CDKN2AIP: variants seen among roughly 807,000 people sequenced by gnomAD.
CDKN2AIP encodes the protein CDKN2A-interacting protein.
In CDKN2AIP, 12 loss-of-function variants were observed where a neutral mutation model predicts 44.1. The ratio of observed to expected loss-of-function variants is 0.27; its 90% CI spans 0.17 to 0.44. The LOEUF (loss-of-function observed/expected upper bound fraction) is 0.44, where lower values mean the gene tolerates loss of function less well. Among genes scored for constraint, CDKN2AIP ranks in the 20% least tolerant of loss-of-function variants. CDKN2AIP has a pLI of 1.00. For synonymous variants in CDKN2AIP, 291 were observed against 272.1 expected (o/e 1.07, Z -0.68); for missense variants, 705 against 681.6 (o/e 1.03, Z -0.38).
Position 183,446,270 on chromosome 4 carries a change from A to G in CDKN2AIP, c.586A>G (p.Ile196Val). The change falls in exon 3 of 3, where the codon ATC (isoleucine) becomes GTC (valine). Residue 196 changes from isoleucine (I) to valine (V), a missense_variant. Physicochemically the swap from Ile to Val is conservative, Grantham distance 29. This residue lies in a region of CDKN2AIP where 592 missense variants were observed against 518.0 expected (regional missense o/e 1.14). Coordinates refer to ENST00000504169, the MANE Select transcript of CDKN2AIP (RefSeq NM_017632.4). The part of the protein sequence containing the change: ...ESGNSARSSG[I>V]SSQNSSTSDG... ...TGGGAACTCAGCTCGGAGCTCTGGC[A>G]TCTCCAGTCAGAATAGCTCTACAAG... is the stretch of plus-strand genomic sequence containing the variant. The G allele has an allele frequency of 1.9e-6, 3 of 1,614,114 alleles. No homozygotes were observed. The highest frequency in any genetic ancestry group is 2.5e-6 in the Non-Finnish European group (3 of 1,179,926).
At position 183,446,924 on chromosome 4, in the gene CDKN2AIP, A is replaced by T; in HGVS notation, c.1240A>T (p.Thr414Ser). 1 of 1,614,244 alleles carries T rather than the reference A, an allele frequency of 6.2e-7. No individual in the cohort carries two copies. The highest frequency in any genetic ancestry group is 1.1e-5 in the South Asian group (1 of 91,088). Reference sequence around the variant, plus strand: ...CACCTCACAGTTGCCTTCTAAAAGTACTTCACAGTCAAGTGAGAGTTCTGT... The same window carrying T: ...CACCTCACAGTTGCCTTCTAAAAGTTCTTCACAGTCAAGTGAGAGTTCTGT... ...TSTSQLPSKS[T>S]SQSSESSVKF... Residue 414 changes from threonine (T) to serine (S), a missense_variant, in exon 3 of 3, where the codon ACT (threonine) becomes TCT (serine). Physicochemically the swap from Thr to Ser is moderately conservative, Grantham distance 58 (BLOSUM62 1). Coordinates refer to ENST00000504169, the MANE Select transcript of CDKN2AIP (RefSeq NM_017632.4).
chr4:183,444,813 T>A lies in CDKN2AIP; in HGVS notation c.16T>A (p.Ser6Thr), dbSNP rs1733625385. The A allele has an allele frequency of 1.3e-6, 2 of 1,544,752 alleles. No homozygotes were observed. Among genetic ancestry groups the A allele is most frequent in the Non-Finnish European group, 1.8e-6 (2 of 1,141,802 alleles). Residue 6 changes from serine to threonine, a missense_variant, in exon 1 of 3, where the codon TCG becomes ACG. Physicochemically the swap from Ser to Thr is moderately conservative, Grantham distance 58. This residue lies in a region of CDKN2AIP where 592 missense variants were observed against 518.0 expected (regional missense o/e 1.14). Coordinates refer to ENST00000504169, the MANE Select transcript of CDKN2AIP (RefSeq NM_017632.4). ...CAGGCCCAACATGGCGCAGGAGGTG[T>A]CGGAGTACCTGAGCCAGAACCCGCG... MAQEVSEYLSQNPRVA... is the reference protein window; with the variant it reads MAQEVTEYLSQNPRVA...
rs901340479 is a variant in CDKN2AIP, at chr4:183,446,486, T to A, written c.802T>A (p.Ser268Thr). 6.2e-7 allele frequency: 1 copy of A among 1,613,788 alleles called. No homozygotes were observed. The highest frequency in any genetic ancestry group is 8.5e-7 in the Non-Finnish European group (1 of 1,179,774). ...QSTDSRQQSG[S>T]PKKSALEGSS... is the part of the protein sequence containing the mutation. ...CACTGATTCTAGACAACAAAGTGGA[T>A]CACCTAAAAAGAGTGCTTTGGAAGG... The change falls in exon 3 of 3, where the codon TCA becomes ACA. Residue 268 changes from serine to threonine, a missense_variant. This residue lies in a region of CDKN2AIP where 592 missense variants were observed against 518.0 expected (regional missense o/e 1.14). Coordinates refer to ENST00000504169, the MANE Select transcript of CDKN2AIP (RefSeq NM_017632.4).
rs1365789688 is a variant in CDKN2AIP at position 183,448,939 on chromosome 4, A to G, written c.*1512A>G. On this transcript the variant is annotated 3_prime_UTR_variant, in exon 3 of 3. Coordinates refer to ENST00000504169, the MANE Select transcript of CDKN2AIP (RefSeq NM_017632.4). ...TAGATTGCGGGACACAATAACATGA[A>G]TGTATTGTGAAAGCACTTTTAGTTA... Among the ~76,000 whole-genome samples the G allele has an allele frequency of 6.6e-6, 1 of 152,166 alleles. No individual in the cohort carries two copies. Among genetic ancestry groups the G allele is most frequent in the Non-Finnish European group, 1.5e-5 (1 of 68,000 alleles).
rs968124842 is a variant in CDKN2AIP at position 183,444,679 on chromosome 4, G to A, written c.-119G>A. On this transcript the variant is annotated 5_prime_UTR_variant, in exon 1 of 3. Transcript: ENST00000504169. ...TCTGGGCGCTGTTGTTTGGTCTTTA[G>A]GCCTGCGGAGGGGCGTTATCTGGAG... 6 of 1,026,970 alleles carry A rather than the reference G, an allele frequency of 5.8e-6. No homozygotes were observed. The African/African-American group carries it at 8.4e-5, about 14-fold the overall frequency. The allele number at this position is 1,026,970 out of a possible 1,614,324, so 63.6% of individuals were successfully genotyped here. A position where few individuals can be genotyped will look rare whatever the true frequency, so the allele number is the denominator to read the frequency against.
In CDKN2AIP at chr4:183,444,898, A is replaced by G. The variant is rs1425215338; in HGVS notation, c.101A>G (p.His34Arg). ...CDGETDKHWRHRRDFLLRNAG... is the reference protein window; with the variant it reads ...CDGETDKHWRRRRDFLLRNAG... ...GGCGAGACTGACAAACACTGGCGCC[A>G]CCGCCGGGATTTTTTGCTTCGCAAC... The change falls in exon 1 of 3, where the codon CAC becomes CGC. Residue 34 changes from histidine (H) to arginine (R), a missense_variant. Physicochemically the swap from His to Arg is conservative, Grantham distance 29 (BLOSUM62 0). Around this residue, in one of 2 missense-constraint regions of CDKN2AIP, gnomAD observed 592 missense variants for 518.0 expected, o/e 1.14. Coordinates refer to ENST00000504169, the MANE Select transcript of CDKN2AIP (RefSeq NM_017632.4). 1 of 1,607,800 alleles carries G rather than the reference A, an allele frequency of 6.2e-7. No homozygotes were observed. The highest frequency in any genetic ancestry group is 8.5e-7 in the Non-Finnish European group (1 of 1,177,576).
Position 183,446,856 on chromosome 4 carries a change from C to G in CDKN2AIP, c.1172C>G (p.Ala391Gly), listed in dbSNP as rs1223728810. 1.2e-6 allele frequency: 2 copies of G among 1,614,168 alleles called. No homozygotes were observed. The highest frequency in any genetic ancestry group is 3.3e-5 in the Admixed American group (2 of 60,030). Residue 391 changes from alanine to glycine, a missense_variant, in exon 3 of 3, where the codon GCA (alanine) becomes GGA (glycine). Physicochemically the swap from Ala to Gly is moderately conservative, Grantham distance 60. Around this residue, in one of 2 missense-constraint regions of CDKN2AIP, gnomAD observed 592 missense variants for 518.0 expected, o/e 1.14. Transcript: ENST00000504169. ...CTGGTTTCCAAAAGCACTTCCTTAG[C>G]AAGTGTGTCCCAGTTGGCTTCTAAG... is the stretch of plus-strand genomic sequence containing the variant. ...GSLVSKSTSL[A>G]SVSQLASKSS...
In CDKN2AIP at chr4:183,444,844, C is replaced by T. The variant is rs1733626554; in HGVS notation, c.47C>T (p.Ala16Val). The part of the protein sequence containing the change: ...SEYLSQNPRV[A>V]AWVEALRCDG... ...TACCTGAGCCAGAACCCGCGGGTGG[C>T]AGCCTGGGTGGAGGCGCTGCGCTGC... The change falls in exon 1 of 3, where the codon GCA (alanine) becomes GTA (valine). Residue 16 changes from alanine to valine, a missense_variant. By Grantham distance (64) the Ala-to-Val change is moderately conservative. This residue lies in a region of CDKN2AIP where 592 missense variants were observed against 518.0 expected (regional missense o/e 1.14). Transcript: ENST00000504169. 6.4e-7 allele frequency: 1 copy of T among 1,567,816 alleles called. No homozygotes were observed.
chr4:183,445,222 G>C (rs1733641416), intron 1 of CDKN2AIP, 153 bp downstream of exon 1: 3 of 909,964 alleles, frequency 3.3e-6, no homozygotes, highest in Non-Finnish European at 4.9e-6. Context: ...AGGGGGAGAA[G>C]GGCGTCCCTG....
chr4:183,447,385 A>G lies in CDKN2AIP; in HGVS notation c.1701A>G (p.Val567=), dbSNP rs1426006464. 2 of 1,558,656 alleles carry G rather than the reference A, an allele frequency of 1.3e-6. No homozygotes were observed. The highest frequency in any genetic ancestry group is 1.7e-6 in the Non-Finnish European group (2 of 1,156,942). Residue 567 remains valine, a synonymous_variant, in exon 3 of 3, where the codon GTA becomes GTG. Coordinates refer to ENST00000504169, the MANE Select transcript of CDKN2AIP (RefSeq NM_017632.4). ...TCCTTGATGAAGAATCGAGGCCTGT[A>G]AACTTACCTCCAGCACTAAAACATC... The part of the protein sequence containing the change: ...LVLLDEESRP[V]NLPPALKHPQ...
intron 1 of CDKN2AIP, 177 bp downstream of exon 1, chr4:183,445,246 T>C: frequency 2.6e-6 from 2 of 756,824 alleles, no homozygotes; most frequent in Non-Finnish European, 4.1e-6. Flanking sequence ...GGAGCCGACA[T>C]GATTCCCGGA....
In CDKN2AIP at chr4:183,445,038, G is replaced by T; in HGVS notation, c.241G>T (p.Ala81Ser). The T allele has an allele frequency of 6.3e-7, 1 of 1,596,758 alleles. No individual in the cohort carries two copies. The highest frequency in any genetic ancestry group is 1.1e-5 in the South Asian group (1 of 90,398). Residue 81 changes from alanine to serine, a missense_variant, in exon 1 of 3, where the codon GCC becomes TCC. By Grantham distance (99) the Ala-to-Ser change is moderately conservative. Transcript: ENST00000504169. ...GCAGCAGCTCATCTCCTTTTCCATGGCCTGGGCGAACCACGTCTTCCTCGG... is the reference window on the plus strand; with the variant it reads ...GCAGCAGCTCATCTCCTTTTCCATGTCCTGGGCGAACCACGTCTTCCTCGG... Reference protein sequence around the residue: ...QLQQLISFSMAWANHVFLGCR... With the variant: ...QLQQLISFSMSWANHVFLGCR...
At position 183,447,252 on chromosome 4, in the gene CDKN2AIP, C is replaced by G. The variant is rs1232703700; in HGVS notation, c.1568C>G (p.Ala523Gly). 1 of 1,610,762 alleles carries G rather than the reference C, an allele frequency of 6.2e-7. No homozygotes were observed. Among genetic ancestry groups the G allele is most frequent in the African/African-American group, 1.3e-5 (1 of 74,630 alleles). The change falls in exon 3 of 3, where the codon GCA (alanine) becomes GGA (glycine). Residue 523 changes from alanine to glycine, a missense_variant. Around this residue, in one of 2 missense-constraint regions of CDKN2AIP, gnomAD observed 113 missense variants for 163.6 expected, o/e 0.69. Coordinates refer to ENST00000504169, the MANE Select transcript of CDKN2AIP (RefSeq NM_017632.4). ...GTGCGKSKENAKAVASREALK... is the reference protein window; with the variant it reads ...GTGCGKSKENGKAVASREALK... ...GGCTGTGGAAAAAGCAAAGAAAATG[C>G]AAAAGCAGTTGCATCAAGAGAAGCA...
Position 183,445,623 on chromosome 4 carries a change from C to G in CDKN2AIP, c.361C>G (p.Leu121Val), listed in dbSNP as rs750436686. 2 of 1,610,756 alleles carry G rather than the reference C, an allele frequency of 1.2e-6. No individual in the cohort carries two copies. Among genetic ancestry groups the G allele is most frequent in the Non-Finnish European group, 1.7e-6 (2 of 1,176,974 alleles). The change falls in exon 2 of 3, where the codon CTG becomes GTG. Residue 121 changes from leucine (L) to valine (V), a missense_variant. By Grantham distance (32) the Leu-to-Val change is conservative. Around this residue, in one of 2 missense-constraint regions of CDKN2AIP, gnomAD observed 592 missense variants for 518.0 expected, o/e 1.14. Coordinates refer to ENST00000504169, the MANE Select transcript of CDKN2AIP (RefSeq NM_017632.4). Reference protein sequence around the residue: ...DAPTYTTRDELVAKVKKRGIS... With the variant: ...DAPTYTTRDEVVAKVKKRGIS... ...TCCAACCTATACAACAAGAGATGAA[C>G]TGGTTGCCAAGGTGAAGAAAAGAGG...
intron 1 of CDKN2AIP, 158 bp from the exon 2 acceptor site, chr4:183,445,377 C>T (rs370738578): frequency 4.7e-5 from 31 of 652,760 alleles, no homozygotes; most frequent in South Asian, 4.7e-4. Context: ...CCTCCCAGAC[C>T]CTGGGGCACT....
rs749682911 is a variant in CDKN2AIP at position 183,445,567 on chromosome 4, G to A, written c.305G>A (p.Ser102Asn). 5 of 1,610,740 alleles carry A rather than the reference G, an allele frequency of 3.1e-6. No homozygotes were observed. Among genetic ancestry groups the A allele is most frequent in the African/African-American group, 1.3e-5 (1 of 74,812 alleles). ...YPQKVMDKIL[S>N]MAEGIKVTDA... is the part of the protein sequence containing the mutation. ...CAAAAAGTTATGGATAAAATACTTAGTATGGCTGAAGGCATCAAAGTGACA... is the reference window on the plus strand; with the variant it reads ...CAAAAAGTTATGGATAAAATACTTAATATGGCTGAAGGCATCAAAGTGACA... Residue 102 changes from serine (S) to asparagine (N), a missense_variant, in exon 2 of 3, where the codon AGT (serine) becomes AAT (asparagine). Physicochemically the swap from Ser to Asn is conservative, Grantham distance 46. This residue lies in a region of CDKN2AIP where 592 missense variants were observed against 518.0 expected (regional missense o/e 1.14). Transcript: ENST00000504169.
chr4:183,448,471 A>G lies in CDKN2AIP; in HGVS notation c.*1044A>G, dbSNP rs372239310. On this transcript the variant is annotated 3_prime_UTR_variant, in exon 3 of 3. Transcript: ENST00000504169. The stretch of plus-strand genomic sequence containing the variant: ...CTTGATAATGAGCCTATTCAATTTA[A>G]CTACATTCGTTAAAATGAAGTGGAA... Among the ~76,000 whole-genome samples, 108 of 152,286 alleles carry G rather than the reference A, an allele frequency of 7.1e-4. No individual in the cohort carries two copies. Among genetic ancestry groups the G allele is most frequent in the African/African-American group, 2.5e-3 (104 of 41,572 alleles).
Position 183,446,093 on chromosome 4 carries a change from G to T in CDKN2AIP, c.409G>T (p.Val137Leu). Residue 137 changes from valine (V) to leucine (L), a missense_variant, in exon 3 of 3, where the codon GTA (valine) becomes TTA (leucine). This residue lies in a region of CDKN2AIP where 592 missense variants were observed against 518.0 expected (regional missense o/e 1.14). Transcript: ENST00000504169. The part of the protein sequence containing the change: ...KRGISSSNEG[V>L]EEPSKKRVIE... Reference sequence around the variant, plus strand: ...TATGTTTTTCTTCTTTTTAGAAGGGGTAGAAGAGCCATCCAAAAAACGAGT... The same window carrying T: ...TATGTTTTTCTTCTTTTTAGAAGGGTTAGAAGAGCCATCCAAAAAACGAGT... 6.2e-7 allele frequency: 1 copy of T among 1,607,018 alleles called. No individual in the cohort carries two copies. Among genetic ancestry groups the T allele is most frequent in the Non-Finnish European group, 8.5e-7 (1 of 1,176,658 alleles).
At position 183,445,062 on chromosome 4, in the gene CDKN2AIP, G is replaced by A. The variant is rs1733636702; in HGVS notation, c.265G>A (p.Gly89Arg). 4.4e-6 allele frequency: 7 copies of A among 1,581,828 alleles called. No individual in the cohort carries two copies. The highest frequency in any genetic ancestry group is 6.1e-6 in the Non-Finnish European group (7 of 1,156,010). Residue 89 changes from glycine (G) to arginine (R), a missense_variant, in exon 1 of 3, where the codon GGG becomes AGG. Gly to Arg is a moderately radical substitution (Grantham distance 125). Transcript: ENST00000504169. ...SMAWANHVFLGCRYPQKVMDK... is the reference protein window; with the variant it reads ...SMAWANHVFLRCRYPQKVMDK... Reference sequence around the variant, plus strand: ...GGCCTGGGCGAACCACGTCTTCCTCGGGTGCCGGTGAGTGAGGCAGCGTCC... The same window carrying A: ...GGCCTGGGCGAACCACGTCTTCCTCAGGTGCCGGTGAGTGAGGCAGCGTCC...
Sources: gnomAD v4.1 joint callset for allele counts (sites outside exome capture counted in the v4.1 genomes callset) on GRCh38, gnomAD v4.1.1 for gene constraint, gnomAD v4.1.1 regional missense constraint, MANE v1.5 for transcripts, NCBI Gene and HGNC (gene_info 2026-07-23, HGNC 2026-07-21) for gene names.